Variants in METTL22 observed in about 807,000 individuals in gnomAD.
METTL22 encodes the protein methyltransferase-like protein 22.
In METTL22, 51 loss-of-function variants were observed where a neutral mutation model predicts 48.4. That is an observed-to-expected ratio of 1.05 (90% CI 0.84 to 1.33). The LOEUF (loss-of-function observed/expected upper bound fraction) is 1.33, where lower values mean the gene tolerates loss of function less well. Ranked by LOEUF, METTL22 falls within the 40% of genes most tolerant of loss-of-function variation. The pLI is 0.00. For synonymous variants in METTL22, 255 were observed against 214.1 expected (o/e 1.19, Z -1.67); for missense variants, 678 against 526.9 (o/e 1.29, Z -2.81).
downstream of METTL22, among the ~76,000 whole-genome samples, chr16:8,651,586 C>T (rs536193859): frequency 6.6e-6 from 1 of 152,050 alleles, no homozygotes; most frequent in South Asian, 2.1e-4. Context: ...AGAGACATCA[C>T]TGGGAGCAAT....
chr16:8,662,959 G>C, the METTL22 span, among the ~76,000 whole-genome samples: 6 of 144,842 alleles, frequency 4.1e-5, 1 homozygote, highest in Admixed American at 3.5e-4. Context: ...TGTAACCCCA[G>C]CACTTTGGGA....
rs1641066 is a variant in METTL22, at chr16:8,644,570, T to G, written c.1024T>G (p.Leu342Val). Reference sequence around the variant, plus strand: ...GCTGGTTTGCAGGCTCAACTTCACATTGAGACACTTGGACGTCACATGTGA... The same window carrying G: ...GCTGGTTTGCAGGCTCAACTTCACAGTGAGACACTTGGACGTCACATGTGA... ...LSVEKRLNFT[L>V]RHLDVTCEAY... The change falls in exon 10 of 11, where the codon TTG becomes GTG. Residue 342 changes from leucine (L) to valine (V), a missense_variant. Leu to Val is a conservative substitution (Grantham distance 32). Coordinates refer to ENST00000381920, the MANE Select transcript of METTL22 (RefSeq NM_024109.4). The G allele has an allele frequency of 6.4e-7, 1 of 1,566,714 alleles. No homozygotes were observed. Among genetic ancestry groups the G allele is most frequent in the Non-Finnish European group, 8.7e-7 (1 of 1,152,856 alleles).
Position 8,647,510 on chromosome 16 carries a change from C to T in METTL22, c.*1367C>T, listed in dbSNP as rs933486. ...ATTTGGCAGTGCCTGGAGACATTTT[C>T]GGTGGTCACAAGTAGGGGAGACGGG... is the stretch of plus-strand genomic sequence containing the variant. On this transcript the variant is annotated 3_prime_UTR_variant, in exon 11 of 11. Transcript: ENST00000381920. 150,437 of 152,334 alleles carry T rather than the reference C, an allele frequency of 0.99. 74,315 individuals are homozygous for T. The highest frequency in any genetic ancestry group is 1 in the Middle Eastern group (296 of 296). The allele number at this position is 152,334 out of a possible 1,614,324, so 9.4% of individuals were successfully genotyped here.
intron 9 of METTL22, among the ~76,000 whole-genome samples, chr16:8,644,049 A>G (rs182752233): frequency 6.6e-6 from 1 of 152,332 alleles, no homozygotes; most frequent in Non-Finnish European, 1.5e-5. Context: ...GGCAAGTGGC[A>G]GGGTTGGGAG....
At chr16:8,634,487 T>C (rs1441480747) in intron 3 of METTL22, among the ~76,000 whole-genome samples, 1 of 152,204 alleles carries the variant, frequency 6.6e-6, no homozygotes, top group Non-Finnish European at 1.5e-5. Flanking sequence ...AAATATATTA[T>C]ATTTTGCACT....
At chr16:8,649,841 G>A (rs181322214), downstream of METTL22, among the ~76,000 whole-genome samples, 6 of 151,432 alleles carry the variant, frequency 4.0e-5, no homozygotes, top group African/African-American at 1.5e-4. Context: ...TAGTGAAACT[G>A]TGGTCCCCAA....
At chr16:8,665,140 C>T in the METTL22 span, among the ~76,000 whole-genome samples, 1 of 68,688 alleles carries the variant, frequency 1.5e-5, no homozygotes, top group Admixed American at 1.1e-4. Context: ...ACTAAAAATA[C>T]AAAAAAAGTA....
intron 9 of METTL22, 192 bp from the exon 10 acceptor site, chr16:8,644,365 T>C (rs985330748): frequency 1.8e-6 from 1 of 549,610 alleles, no homozygotes; most frequent in African/African-American, 1.9e-5. Context: ...TGCTATCCAC[T>C]TCCACCTCCT....
downstream of METTL22, among the ~76,000 whole-genome samples, chr16:8,651,847 CACACCGGGG>C (rs2056904009): frequency 6.6e-6 from 1 of 152,112 alleles, no homozygotes; most frequent in Non-Finnish European, 1.5e-5. Context: ...GAGAACATCA[CACACCGGGG>C]CCTTTTGGGG....
intron 2 of METTL22, 138 bp downstream of exon 2, chr16:8,625,936 T>G: frequency 1.5e-5 from 16 of 1,097,682 alleles, no homozygotes; most frequent in Non-Finnish European, 2.1e-5. Context: ...GCCCTTTTTT[T>G]CTTTATGATT....
Position 8,628,880 on chromosome 16 carries a change from A to C in METTL22, c.284A>C (p.Asn95Thr). The C allele has an allele frequency of 6.2e-7, 1 of 1,613,842 alleles. No homozygotes were observed. The highest frequency in any genetic ancestry group is 8.5e-7 in the Non-Finnish European group (1 of 1,179,966). The change falls in exon 3 of 11, where the codon AAT becomes ACT. Residue 95 changes from asparagine (N) to threonine (T), a missense_variant. By Grantham distance (65) the Asn-to-Thr change is moderately conservative. Coordinates refer to ENST00000381920, the MANE Select transcript of METTL22 (RefSeq NM_024109.4). ...TCCCCTCCAGGAAGTGGCCATGGTAATGAGGGTTTCTCCCTCCAGGCCGGG... is the reference window on the plus strand; with the variant it reads ...TCCCCTCCAGGAAGTGGCCATGGTACTGAGGGTTTCTCCCTCCAGGCCGGG... ...TGSPPGSGHG[N>T]EGFSLQAGTD...
At chr16:8,650,016 T>C (rs1031791688), downstream of METTL22, among the ~76,000 whole-genome samples, 2 of 152,132 alleles carry the variant, frequency 1.3e-5, no homozygotes, top group Non-Finnish European at 2.9e-5. Context: ...TTGCAACATG[T>C]CATCCCTGGT....
chr16:8,642,596 C>A, intron 9 of METTL22, 31 bp downstream of exon 9: 2 of 1,595,178 alleles, frequency 1.3e-6, no homozygotes, highest in East Asian at 4.5e-5. Flanking sequence ...ACCGTGCTGA[C>A]GTCCCGAGTG....
intron 2 of METTL22, among the ~76,000 whole-genome samples, 175 bp from the exon 3 acceptor site, chr16:8,628,555 T>G (rs962656493): frequency 3.3e-5 from 5 of 152,124 alleles, no homozygotes; most frequent in African/African-American, 1.2e-4. Flanking sequence ...CCCAGCCTCC[T>G]GGCTGGTGGT....
intron 10 of METTL22, 116 bp from the exon 11 acceptor site, chr16:8,645,992 C>A: frequency 7.2e-6 from 11 of 1,517,628 alleles, no homozygotes; most frequent in South Asian, 1.3e-5. Flanking sequence ...AGCTCGCCTG[C>A]TCCGTGGCTG....
intron 1 of METTL22, 49 bp downstream of exon 1, chr16:8,621,824 C>T (rs576735719): frequency 1.3e-5 from 2 of 152,416 alleles, no homozygotes; most frequent in East Asian, 3.9e-4. Context: ...CAGGGAACCT[C>T]CTGGCGCCGA....
chr16:8,629,167 G>C, intron 3 of METTL22, 57 bp downstream of exon 3: 2 of 1,567,448 alleles, frequency 1.3e-6, no homozygotes, highest in East Asian at 4.5e-5. Flanking sequence ...CAGTGTCACT[G>C]CTCAGGGCTC....
rs1163380184 is a variant in METTL22, at chr16:8,649,441, T to G, written c.*3298T>G. 6.6e-6 allele frequency: 1 copy of G among 152,068 alleles called. No individual in the cohort carries two copies. The highest frequency in any genetic ancestry group is 2.1e-4 in the South Asian group (1 of 4,826). The allele number at this position is 152,068 out of a possible 1,614,324, so 9.4% of individuals were successfully genotyped here. On this transcript the variant is annotated 3_prime_UTR_variant, in exon 11 of 11. Coordinates refer to ENST00000381920, the MANE Select transcript of METTL22 (RefSeq NM_024109.4). ...TTTTTATAACATTTTCAGAAAAATA[T>G]GTGACCCAAGGAGGGGACTTGGCTG...
the METTL22 span, among the ~76,000 whole-genome samples, chr16:8,656,848 G>T: frequency 6.6e-6 from 1 of 152,206 alleles, no homozygotes; most frequent in African/African-American, 2.4e-5. Flanking sequence ...ATCTGGCAAG[G>T]GCCTTCTTGC....
Sources: allele counts gnomAD v4.1 joint callset (sites outside exome capture counted in the v4.1 genomes callset), GRCh38; gene constraint gnomAD v4.1.1; transcripts MANE v1.5; gene names NCBI Gene and HGNC (gene_info 2026-07-23, HGNC 2026-07-21).